Variants in EBF1 observed in about 807,000 individuals in gnomAD.
EBF1 encodes the protein transcription factor COE1.
Under a neutral mutation model 68.4 loss-of-function variants are expected in EBF1, and 10 were observed. The observed-to-expected ratio is 0.15, with a 90% CI of 0.09 to 0.25. The LOEUF (loss-of-function observed/expected upper bound fraction) is 0.25. EBF1 is among the 10% of genes least tolerant of loss of function. The pLI, the probability that EBF1 is intolerant of heterozygous loss-of-function variation, is 1.00. For missense variants in EBF1, 509 were observed against 794.4 expected (o/e 0.64, Z 4.32); for synonymous variants, 298 against 299.8 (o/e 0.99, Z 0.06).
intron 6 of EBF1, among the ~76,000 whole-genome samples, chr5:158,989,436 C>T (rs1032161483): frequency 3.3e-5 from 5 of 152,158 alleles, no homozygotes; most frequent in Non-Finnish European, 7.3e-5. Context: ...ATGATGGATA[C>T]GAGTGATGGT....
chr5:158,946,176 T>C (rs1165863713), intron 6 of EBF1, among the ~76,000 whole-genome samples: 1 of 152,192 alleles, frequency 6.6e-6, no homozygotes, highest in East Asian at 1.9e-4. Context: ...TTCTGAAGCC[T>C]ACTTCTGTCA....
At chr5:158,932,480 C>T (rs1444708141) in intron 6 of EBF1, among the ~76,000 whole-genome samples, 3 of 152,010 alleles carry the variant, frequency 2.0e-5, no homozygotes, top group Admixed American at 2.0e-4. Flanking sequence ...TAAGCGTGAA[C>T]AGTGGTTATT....
chr5:158,922,284 A>G (rs1454522754), intron 6 of EBF1, among the ~76,000 whole-genome samples: 1 of 152,184 alleles, frequency 6.6e-6, no homozygotes, highest in Non-Finnish European at 1.5e-5. Flanking sequence ...TCTACCCAGT[A>G]TCCTCTCAGT....
At chr5:158,769,402 C>A (rs1486864240) in intron 10 of EBF1, among the ~76,000 whole-genome samples, 1 of 152,104 alleles carries the variant, frequency 6.6e-6, no homozygotes, top group East Asian at 1.9e-4. Flanking sequence ...GTGAAAATAT[C>A]CCTTTTAATG....
chr5:158,840,453 C>A (rs915656360), intron 6 of EBF1, among the ~76,000 whole-genome samples: 1 of 152,102 alleles, frequency 6.6e-6, no homozygotes, highest in Non-Finnish European at 1.5e-5. Flanking sequence ...TGGTCCCCAA[C>A]GACAACATGC....
intron 6 of EBF1, among the ~76,000 whole-genome samples, chr5:158,950,707 A>G (rs1246626611): frequency 6.6e-6 from 1 of 152,154 alleles, no homozygotes; most frequent in South Asian, 2.1e-4. Context: ...AGTGGCGGGA[A>G]CCATCTGAAA....
chr5:158,939,599 G>C (rs958718488), intron 6 of EBF1, among the ~76,000 whole-genome samples: 2 of 152,138 alleles, frequency 1.3e-5, no homozygotes, highest in Admixed American at 1.3e-4. Context: ...TGCACACAGG[G>C]GAATGACATA....
At chr5:158,909,874 T>C (rs1805518617) in intron 6 of EBF1, among the ~76,000 whole-genome samples, 1 of 143,370 alleles carries the variant, frequency 7.0e-6, no homozygotes, top group Non-Finnish European at 1.5e-5. Context: ...GAGGCAGAGG[T>C]TGAACCAGGG....
intron 10 of EBF1, among the ~76,000 whole-genome samples, chr5:158,751,360 G>T (rs913086140): frequency 3.3e-5 from 5 of 150,606 alleles, no homozygotes; most frequent in African/African-American, 1.2e-4. Context: ...ATAATGACCT[G>T]AGGGCCATCA....
chr5:158,816,947 A>G (rs1043037218), intron 8 of EBF1, among the ~76,000 whole-genome samples: 1 of 152,304 alleles, frequency 6.6e-6, no homozygotes, highest in Non-Finnish European at 1.5e-5. Context: ...GAGCAAAGTT[A>G]TAAGTAGGTC....
intron 7 of EBF1, among the ~76,000 whole-genome samples, chr5:158,838,523 C>T (rs1375887939): frequency 6.6e-6 from 1 of 151,654 alleles, no homozygotes; most frequent in East Asian, 1.9e-4. Flanking sequence ...GGTGGTGAAG[C>T]CAAGATGATT....
At chr5:158,942,464 A>C (rs4921269) in intron 6 of EBF1, among the ~76,000 whole-genome samples, 83,853 of 152,000 alleles carry the variant, frequency 0.55, 23,497 homozygotes, top group South Asian at 0.74. Context: ...ATAGGAAAAA[A>C]ACATTTAGCA....
At chr5:158,759,879 A>C (rs1326924094) in intron 10 of EBF1, among the ~76,000 whole-genome samples, 1 of 152,092 alleles carries the variant, frequency 6.6e-6, no homozygotes, top group African/African-American at 2.4e-5. Context: ...AGCTATTCAA[A>C]ATGTTTTAAT....
intron 6 of EBF1, among the ~76,000 whole-genome samples, chr5:159,018,717 C>T (rs1766089594): frequency 6.6e-6 from 1 of 152,172 alleles, no homozygotes; most frequent in South Asian, 2.1e-4. Flanking sequence ...TACAAAAACT[C>T]TATGATGTAA....
intron 6 of EBF1, among the ~76,000 whole-genome samples, chr5:158,943,850 T>C (rs1248212252): frequency 6.6e-6 from 1 of 152,222 alleles, no homozygotes; most frequent in East Asian, 1.9e-4. Context: ...AAGTGACTTA[T>C]AATCATTTCT....
intron 15 of EBF1, among the ~76,000 whole-genome samples, chr5:158,705,252 A>T (rs1282232597): frequency 6.6e-6 from 1 of 152,234 alleles, no homozygotes; most frequent in Non-Finnish European, 1.5e-5. Flanking sequence ...AAGTGCTGAG[A>T]CTACAGGTGT....
intron 8 of EBF1, among the ~76,000 whole-genome samples, chr5:158,806,671 T>G (rs1309633462): frequency 3.3e-5 from 5 of 152,202 alleles, no homozygotes; most frequent in Non-Finnish European, 5.9e-5. Context: ...TTGCTATGAA[T>G]GTGCACATAA....
At chr5:158,803,939 CGTGTGTGTGTCT>C (rs1030246235) in intron 8 of EBF1, among the ~76,000 whole-genome samples, 1 of 123,898 alleles carries the variant, frequency 8.1e-6, no homozygotes, top group Admixed American at 8.1e-5. Context: ...GAAAAAGAGT[CGTGTGTGTGTCT>C]GTGTGTGTGT....
At chr5:158,988,674 C>T (rs1334885068) in intron 6 of EBF1, among the ~76,000 whole-genome samples, 1 of 152,064 alleles carries the variant, frequency 6.6e-6, no homozygotes, top group Non-Finnish European at 1.5e-5. Context: ...TAAATAGGCC[C>T]ATTGTTCTTC....
Sources: allele counts gnomAD v4.1 joint callset (sites outside exome capture counted in the v4.1 genomes callset), GRCh38; gene constraint gnomAD v4.1.1; transcripts MANE v1.5; gene names NCBI Gene and HGNC (gene_info 2026-07-23, HGNC 2026-07-21).